SPPL3: variants seen among roughly 807,000 people sequenced by gnomAD.
SPPL3 encodes signal peptide peptidase-like 3.
Under a neutral mutation model 42.4 loss-of-function variants are expected in SPPL3, and 5 were observed. The ratio of observed to expected loss-of-function variants is 0.12; its 90% confidence interval spans 0.06 to 0.25. SPPL3 has a LOEUF of 0.25. Among genes scored for constraint, SPPL3 ranks in the 10% least tolerant of loss-of-function variants. SPPL3 has a pLI of 1.00. For missense variants in SPPL3, 235 were observed against 489.0 expected, an observed-to-expected ratio of 0.48 and a Z score of 4.90; for synonymous variants, 195 against 181.8, an observed-to-expected ratio of 1.07 and a Z score of -0.58.
At chr12:120,840,970 AAAT>A (rs1871807039) in intron 1 of SPPL3, among the ~76,000 whole-genome samples, 1 of 152,130 alleles carries the variant, frequency 6.6e-6, no homozygotes, top group African/African-American at 2.4e-5. Flanking sequence ...ATTAATAAAT[AAAT>A]AACCATAGAA....
chr12:120,862,520 G>C (rs1346476727), intron 1 of SPPL3, among the ~76,000 whole-genome samples: 1 of 152,152 alleles, frequency 6.6e-6, no homozygotes, highest in African/African-American at 2.4e-5. Flanking sequence ...ATGGCTCACT[G>C]AACTCAGGAA....
chr12:120,855,558 T>C (rs912674560), intron 1 of SPPL3, among the ~76,000 whole-genome samples: 2 of 151,942 alleles, frequency 1.3e-5, no homozygotes, highest in Non-Finnish European at 2.9e-5. Context: ...ATGACGGCAG[T>C]TGCCTGTAAT....
chr12:120,801,681 C>T (rs920064402), intron 2 of SPPL3, among the ~76,000 whole-genome samples: 3 of 152,140 alleles, frequency 2.0e-5, no homozygotes, highest in Non-Finnish European at 4.4e-5. Flanking sequence ...TATTTCTCCC[C>T]AAGTAAACTT....
chr12:120,804,795 C>G (rs1280405663), intron 2 of SPPL3, among the ~76,000 whole-genome samples: 3 of 151,934 alleles, frequency 2.0e-5, no homozygotes, highest in African/African-American at 7.3e-5. Context: ...AACTTGTACA[C>G]AAATGTTCAC....
intron 1 of SPPL3, among the ~76,000 whole-genome samples, chr12:120,870,512 TGA>T (rs1872889793): frequency 6.6e-6 from 1 of 151,976 alleles, no homozygotes; most frequent in Admixed American, 6.6e-5. Flanking sequence ...AGCAGAGTCT[TGA>T]GAGATGTCTG....
chr12:120,840,395 T>G (rs933492695), intron 1 of SPPL3, among the ~76,000 whole-genome samples: 2 of 151,788 alleles, frequency 1.3e-5, no homozygotes, highest in Non-Finnish European at 2.9e-5. Flanking sequence ...CCATATATAT[T>G]GGATGATTCC....
intron 3 of SPPL3, among the ~76,000 whole-genome samples, chr12:120,790,235 T>G (rs1869868362): frequency 6.6e-6 from 1 of 152,212 alleles, no homozygotes. Flanking sequence ...AAGAAAAGAC[T>G]CATTATATTT....
chr12:120,793,635 C>T (rs1460679169), intron 2 of SPPL3, among the ~76,000 whole-genome samples: 1 of 152,222 alleles, frequency 6.6e-6, no homozygotes, highest in African/African-American at 2.4e-5. Flanking sequence ...GGTGCAGACA[C>T]TTTGGAAAAC....
intron 1 of SPPL3, among the ~76,000 whole-genome samples, chr12:120,817,914 A>C (rs996319205): frequency 6.6e-6 from 1 of 152,194 alleles, no homozygotes; most frequent in Non-Finnish European, 1.5e-5. Flanking sequence ...ATTTTACTAC[A>C]GGAGCTGGGG....
At chr12:120,799,250 C>A (rs1377875891) in intron 2 of SPPL3, among the ~76,000 whole-genome samples, 1 of 152,138 alleles carries the variant, frequency 6.6e-6, no homozygotes, top group Non-Finnish European at 1.5e-5. Flanking sequence ...TCATCTAACA[C>A]AAAGGCCTGT....
intron 1 of SPPL3, chr12:120,903,398 C>A: frequency 6.1e-6 from 1 of 163,584 alleles, no homozygotes; most frequent in Non-Finnish European, 1.3e-5. Context: ...CTGCCTCTAT[C>A]ACCTGTTCTC....
At position 120,764,651 on chromosome 12, in the gene SPPL3, A is replaced by G; in HGVS notation, c.*348T>C. 2.6e-6 allele frequency: 1 copy of G among 391,626 alleles called. No individual in the cohort carries two copies. The highest frequency in any genetic ancestry group is 4.5e-6 in the Non-Finnish European group (1 of 221,942). 24.3% of individuals were successfully genotyped at this position (391,626 alleles called of 1,614,324 possible). On this transcript the variant is annotated 3_prime_UTR_variant, in exon 11 of 11. Transcript: ENST00000353487. ...TCCTTTTAGTGTTCAAAAGTTCTAG[A>G]AAGACTCCTCGCTGTTTTCAGTTTT...
intron 1 of SPPL3, among the ~76,000 whole-genome samples, chr12:120,902,343 A>AACCT (rs1874008691): frequency 6.6e-6 from 1 of 152,230 alleles, no homozygotes; most frequent in South Asian, 2.1e-4. Flanking sequence ...TCAATGAGTT[A>AACCT]CTGACTTATA....
intron 1 of SPPL3, among the ~76,000 whole-genome samples, chr12:120,820,701 T>C (rs146917365): frequency 6.2e-4 from 95 of 152,268 alleles, no homozygotes; most frequent in African/African-American, 1.8e-3. Flanking sequence ...AAACCAAATA[T>C]GTATTGCAAG....
intron 2 of SPPL3, among the ~76,000 whole-genome samples, chr12:120,808,102 T>G (rs544873497): frequency 2.5e-4 from 34 of 138,426 alleles, no homozygotes; most frequent in African/African-American, 1.1e-3. Context: ...TTTTTTTTTT[T>G]GTTTTTTGTT....
chr12:120,773,721 TTCAAGTGACTC>T (rs1267117612), intron 6 of SPPL3, among the ~76,000 whole-genome samples: 4 of 152,234 alleles, frequency 2.6e-5, no homozygotes, highest in African/African-American at 7.2e-5. Flanking sequence ...GCCTCCCAGG[TTCAAGTGACTC>T]TCAAGTGACT....
At chr12:120,898,863 T>C (rs942173985) in intron 1 of SPPL3, among the ~76,000 whole-genome samples, 2 of 152,202 alleles carry the variant, frequency 1.3e-5, no homozygotes, top group Non-Finnish European at 1.5e-5. Context: ...TGATAGTATT[T>C]TGGTAACAAA....
chr12:120,793,729 A>G (rs2136987935), intron 2 of SPPL3, among the ~76,000 whole-genome samples: 1 of 128,818 alleles, frequency 7.8e-6, no homozygotes, highest in Middle Eastern at 3.7e-3. Flanking sequence ...TAAGCCACCC[A>G]GTCTATGGGT....
chr12:120,858,758 C>T (rs1671410366), intron 1 of SPPL3, among the ~76,000 whole-genome samples: 1 of 152,040 alleles, frequency 6.6e-6, no homozygotes, highest in South Asian at 2.1e-4. Flanking sequence ...AAAATCAAAG[C>T]AAGGAAGCAT....
Sources: allele counts gnomAD v4.1 joint callset (sites outside exome capture counted in the v4.1 genomes callset), GRCh38; gene constraint gnomAD v4.1.1; transcripts MANE v1.5; gene names NCBI Gene and HGNC (gene_info 2026-07-23, HGNC 2026-07-21).